Variants in ESYT3 observed in about 807,000 individuals in gnomAD.
The protein encoded by ESYT3 is extended synaptotagmin 3.
A neutral mutation model predicts 111.5 loss-of-function variants in ESYT3; 101 were observed. The ratio of observed to expected loss-of-function variants is 0.91; its 90% CI spans 0.77 to 1.07. The LOEUF (loss-of-function observed/expected upper bound fraction) is 1.07. ESYT3 is among the 50% of genes least tolerant of loss of function. ESYT3 has a pLI of 0.00. For missense variants in ESYT3, 1,097 were observed against 1,109.4 expected (o/e 0.99, Z 0.16); for synonymous variants, 416 against 446.8 (o/e 0.93, Z 0.87).
At position 138,440,179 on chromosome 3, in the gene ESYT3, G is replaced by T. The variant is rs1282906220; in HGVS notation, c.327+5054G>T. On this transcript the variant is annotated intron_variant, in intron 1 of 22. Transcript: ENST00000389567. The surrounding 1 kb of genome is among the most constrained non-coding windows in gnomAD (Gnocchi z 4.2). ...TTTCATGCCTGTCCCCATCTAACTG[G>T]GTGCGCACTGGGGCTGCCGGCAGAA... 6.6e-6 allele frequency among the ~76,000 whole-genome samples: 1 copy of T among 152,206 alleles called. No individual in the cohort carries two copies. The highest frequency in any genetic ancestry group is 1.5e-5 in the Non-Finnish European group (1 of 68,038).
intron 9 of ESYT3, 147 bp downstream of exon 9, chr3:138,464,662 G>T: frequency 1.1e-6 from 1 of 887,702 alleles, no homozygotes. Flanking sequence ...CTTCCAGACT[G>T]GGTTACTCTG....
In ESYT3 at chr3:138,464,417, A is replaced by C. The variant is rs1036992997; in HGVS notation, c.988A>C (p.Lys330Gln). ...QKDNFLGLRG[K>Q]SDPYAKVSIG... ...GGACAACTTTCTGGGGCTCCGAGGC[A>C]AGTCAGATCCCTACGCCAAGGTGAG... Residue 330 changes from lysine (K) to glutamine (Q), a missense_variant, in exon 9 of 23, where the codon AAG (lysine) becomes CAG (glutamine). Coordinates refer to ENST00000389567, the MANE Select transcript of ESYT3 (RefSeq NM_031913.5). 4 of 1,614,012 alleles carry C rather than the reference A, an allele frequency of 2.5e-6. No individual in the cohort carries two copies. In the African/African-American group the frequency reaches 5.3e-5, roughly 22 times the overall value.
chr3:138,465,470 G>C, intron 10 of ESYT3, 49 bp downstream of exon 10: 1 of 1,465,870 alleles, frequency 6.8e-7, no homozygotes, highest in Non-Finnish European at 9.4e-7. Flanking sequence ...TTCCCTCCCT[G>C]CGGGGTGCTG....
rs1379540843 is a variant in ESYT3 at position 138,470,894 on chromosome 3, G to A, written c.1608G>A (p.Gln536=). 1.2e-6 allele frequency: 2 copies of A among 1,614,152 alleles called. No homozygotes were observed. Residue 536 remains glutamine (Q), a synonymous_variant, in exon 17 of 23, where the codon CAG becomes CAA. Transcript: ENST00000389567. ...RLHLKVLDDD[Q]ECALGMLEVP... is the part of the protein sequence containing the mutation. The stretch of plus-strand genomic sequence containing the variant: ...CTGCCCAGGTGCTTGATGATGACCA[G>A]GAGTGTGCTCTGGGAATGCTGGAGG...
At chr3:138,469,402 C>T (rs1163834900) in intron 14 of ESYT3, 34 bp from the exon 15 acceptor site, 2 of 1,585,494 alleles carry the variant, frequency 1.3e-6, no homozygotes, top group Non-Finnish European at 8.7e-7. Flanking sequence ...ATTGACTATG[C>T]CACCTTCACT....
At chr3:138,468,904 A>C (rs1576461590) in intron 14 of ESYT3, 23 bp downstream of exon 14, 1 of 1,612,990 alleles carries the variant, frequency 6.2e-7, no homozygotes, top group African/African-American at 1.3e-5. Context: ...GTGGCTAAAA[A>C]CTCCAGGGAG....
chr3:138,464,308 G>T, intron 8 of ESYT3, 37 bp from the exon 9 acceptor site: 1 of 1,609,666 alleles, frequency 6.2e-7, no homozygotes, highest in Non-Finnish European at 8.5e-7. Flanking sequence ...GAGGCCCCAG[G>T]AAGCAGCTGT....
At chr3:138,451,366 A>G (rs1000947776) in intron 1 of ESYT3, among the ~76,000 whole-genome samples, 1 of 152,220 alleles carries the variant, frequency 6.6e-6, no homozygotes, top group Non-Finnish European at 1.5e-5. Flanking sequence ...CCCACTCCTT[A>G]GTTGTCTATG....
At chr3:138,443,669 GTC>G (rs2031318830) in intron 1 of ESYT3, among the ~76,000 whole-genome samples, 1 of 152,180 alleles carries the variant, frequency 6.6e-6, no homozygotes, top group African/African-American at 2.4e-5. Flanking sequence ...ATGCGTGTGA[GTC>G]TGCGGATGTG....
chr3:138,457,476 G>A lies in ESYT3; in HGVS notation c.505-92G>A, dbSNP rs149815358. On this transcript the variant is annotated intron_variant, in intron 3 of 22. Transcript: ENST00000389567. ...TCTTGGAAGTATGGTGGTCATGCTC[G>A]TTGCTGACAAAGCCCAGTGCCGGGG... 633 of 1,095,224 alleles carry A rather than the reference G, an allele frequency of 5.8e-4. 1 individual carries two copies. Among genetic ancestry groups the A allele is most frequent in the East Asian group, 3.0e-3 (126 of 42,374 alleles). 67.8% of individuals were successfully genotyped at this position (1,095,224 alleles called of 1,614,324 possible).
intron 1 of ESYT3, among the ~76,000 whole-genome samples, chr3:138,443,068 C>T (rs2031276365): frequency 6.6e-6 from 1 of 152,156 alleles, no homozygotes; most frequent in Non-Finnish European, 1.5e-5. Context: ...AGGGCCACCC[C>T]CCTCTGCTTT....
chr3:138,459,107 C>A, intron 4 of ESYT3, 80 bp from the exon 5 acceptor site: 1 of 1,199,354 alleles, frequency 8.3e-7, no homozygotes, highest in Non-Finnish European at 1.2e-6. Flanking sequence ...GGCTGTGTGA[C>A]ACTGGGCAAG....
chr3:138,437,939 A>G (rs1311705953), intron 1 of ESYT3, among the ~76,000 whole-genome samples: 2 of 152,176 alleles, frequency 1.3e-5, no homozygotes, highest in Non-Finnish European at 2.9e-5. Flanking sequence ...GTGCATACAA[A>G]CAGATGCAGG....
chr3:138,467,576 TGGA>T lies in ESYT3; in HGVS notation c.1187_1189del (p.Gly396del). 6.2e-7 allele frequency: 1 copy of T among 1,614,002 alleles called. No homozygotes were observed. ...TATATTCCAGCCTGCAGATCTGCCT[TGGA>T]GATGTCATGACCAACAGAGTGGTGG... is the stretch of plus-strand genomic sequence containing the variant. On this transcript the variant is annotated inframe_deletion, in exon 11 of 23. Coordinates refer to ENST00000389567, the MANE Select transcript of ESYT3 (RefSeq NM_031913.5).
chr3:138,460,026 C>T lies in ESYT3; in HGVS notation c.730C>T (p.Gln244Ter). Residue 244 changes from glutamine to a stop codon, truncating the protein, a stop_gained, in exon 6 of 23, where the codon CAG (glutamine) becomes TAG (stop). Coordinates refer to ENST00000389567, the MANE Select transcript of ESYT3 (RefSeq NM_031913.5). LOFTEE classifies it high-confidence loss of function. ...FVGAVTVFFL[Q>*]KPHLQINWTG... The stretch of plus-strand genomic sequence containing the variant: ...GGGAGCCGTGACTGTGTTCTTCCTT[C>T]AGAAGCCGGTGAGTCCCAAGGACTG... 6.2e-7 allele frequency: 1 copy of T among 1,614,130 alleles called. No individual in the cohort carries two copies. The highest frequency in any genetic ancestry group is 8.5e-7 in the Non-Finnish European group (1 of 1,179,990).
chr3:138,438,894 G>T (rs1390446641), intron 1 of ESYT3, among the ~76,000 whole-genome samples: 1 of 152,212 alleles, frequency 6.6e-6, no homozygotes, highest in Non-Finnish European at 1.5e-5. Flanking sequence ...GGGGAAGAAG[G>T]CAGGGTGGCC....
chr3:138,473,203 C>T, intron 18 of ESYT3: 1 of 1,068,958 alleles, frequency 9.4e-7, no homozygotes, highest in Non-Finnish European at 1.2e-6. Flanking sequence ...TTACTATGGG[C>T]TTAGCATGTT....
chr3:138,480,345 A>G (rs1320688548), downstream of ESYT3: 1 of 152,254 alleles, frequency 6.6e-6, no homozygotes, highest in Non-Finnish European at 1.5e-5. Flanking sequence ...GCAGCAAACA[A>G]TATATTAAGA....
At chr3:138,461,310 CAG>C (rs1679428341) in intron 7 of ESYT3, among the ~76,000 whole-genome samples, 1 of 152,174 alleles carries the variant, frequency 6.6e-6, no homozygotes, top group African/African-American at 2.4e-5. Context: ...ACTGTCACAA[CAG>C]AGGCCAGTGA....
Sources: allele counts gnomAD v4.1 joint callset (sites outside exome capture counted in the v4.1 genomes callset), GRCh38; gene constraint gnomAD v4.1.1; non-coding constraint Gnocchi (gnomAD v3.1); transcripts MANE v1.5; gene names NCBI Gene and HGNC (gene_info 2026-07-23, HGNC 2026-07-21).